SPRED2: variants seen among roughly 807,000 people sequenced by gnomAD.
SPRED2 encodes the protein sprouty related EVH1 domain containing 2, also known as sprouty-related, EVH1 domain-containing protein 2.
SPRED2 carries 47 observed loss-of-function variants against 43.0 expected under a neutral mutation model. The ratio of observed to expected loss-of-function variants is 1.09; its 90% CI spans 0.87 to 1.40. SPRED2 has a LOEUF of 1.40. Among genes scored for constraint, SPRED2 ranks in the 40% most tolerant of loss-of-function variants. The pLI is 0.00. For synonymous variants in SPRED2, 225 were observed against 225.7 expected, an observed-to-expected ratio of 1.00 and a Z score of 0.03; for missense variants, 561 against 586.4, an observed-to-expected ratio of 0.96 and a Z score of 0.45.
intron 1 of SPRED2, among the ~76,000 whole-genome samples, chr2:65,406,693 T>A (rs927646783): frequency 2.6e-5 from 4 of 152,246 alleles, no homozygotes; most frequent in Non-Finnish European, 4.4e-5. Context: ...CCCACCTTGC[T>A]GTACACAAGA....
chr2:65,344,792 C>T lies in SPRED2; in HGVS notation c.131G>A (p.Cys44Tyr), dbSNP rs779809347. Reference protein sequence around the residue: ...EGGGISRVGVCKVMHPEGNGR... With the variant: ...EGGGISRVGVYKVMHPEGNGR... ...ATTGCCTTCGGGGTGCATGACCTTA[C>T]AGACCCCGACGCGACTGATCCCGCC... Residue 44 changes from cysteine to tyrosine, a missense_variant, in exon 2 of 6, where the codon TGT (cysteine) becomes TAT (tyrosine). This residue lies in a region of SPRED2 where 305 missense variants were observed against 282.4 expected (regional missense o/e 1.08). Coordinates refer to ENST00000356388, the MANE Select transcript of SPRED2 (RefSeq NM_181784.3). The T allele has an allele frequency of 1.2e-6, 2 of 1,614,048 alleles. No homozygotes were observed. Among genetic ancestry groups the T allele is most frequent in the Admixed American group, 1.7e-5 (1 of 60,006 alleles).
intron 5 of SPRED2, among the ~76,000 whole-genome samples, chr2:65,316,241 C>T (rs1673227939): frequency 6.6e-6 from 1 of 152,210 alleles, no homozygotes; most frequent in Admixed American, 6.5e-5. Context: ...TCCGCCTGAG[C>T]AAGACTGGGC....
intron 1 of SPRED2, among the ~76,000 whole-genome samples, chr2:65,348,490 T>C (rs775184683): frequency 1.4e-5 from 2 of 138,514 alleles, no homozygotes; most frequent in Non-Finnish European, 3.2e-5. Flanking sequence ...ATTCACAATA[T>C]AAACAGGTTT....
At chr2:65,400,939 C>G (rs1675870275) in intron 1 of SPRED2, among the ~76,000 whole-genome samples, 2 of 152,008 alleles carry the variant, frequency 1.3e-5, no homozygotes, top group Non-Finnish European at 2.9e-5. Flanking sequence ...TGGGCTTATA[C>G]TGTTTTTATT....
intron 5 of SPRED2, among the ~76,000 whole-genome samples, chr2:65,316,223 C>G (rs2104115798): frequency 6.6e-6 from 1 of 152,334 alleles, no homozygotes; most frequent in Middle Eastern, 3.4e-3. Context: ...TTCTGAGCTC[C>G]AGCTACATCC....
chr2:65,404,013 T>G (rs997591929), intron 1 of SPRED2, among the ~76,000 whole-genome samples: 1 of 152,144 alleles, frequency 6.6e-6, no homozygotes, highest in African/African-American at 2.4e-5. Context: ...GAGACCAGCC[T>G]GGCTAACATG....
chr2:65,307,938 C>T (rs1672975141), downstream of SPRED2, among the ~76,000 whole-genome samples: 1 of 152,218 alleles, frequency 6.6e-6, no homozygotes, highest in South Asian at 2.1e-4. Context: ...AAGCCTCCTC[C>T]CCACACCCCC....
chr2:65,316,567 A>C lies in SPRED2; in HGVS notation c.588+167T>G, dbSNP rs577383676. ...TCTGGCACACAGAAAACACTGGATGAGGCTGAGGTGCCACCACCAATGCCA... is the reference window on the plus strand; with the variant it reads ...TCTGGCACACAGAAAACACTGGATGCGGCTGAGGTGCCACCACCAATGCCA... On this transcript the variant is annotated intron_variant, in intron 5 of 5. Transcript: ENST00000356388. Among the ~76,000 whole-genome samples, 99 of 152,334 alleles carry C rather than the reference A, an allele frequency of 6.5e-4. 1 individual carries two copies. Among genetic ancestry groups the C allele is most frequent in the South Asian group, 1.7e-3 (8 of 4,826 alleles).
At chr2:65,351,178 GCT>G (rs1413242624) in intron 1 of SPRED2, among the ~76,000 whole-genome samples, 2 of 152,114 alleles carry the variant, frequency 1.3e-5, no homozygotes, top group Non-Finnish European at 2.9e-5. Context: ...AAGCTGTCAG[GCT>G]CTTGACAGTA....
chr2:65,340,790 CTG>C (rs1288684385), intron 2 of SPRED2, among the ~76,000 whole-genome samples: 3 of 152,232 alleles, frequency 2.0e-5, no homozygotes, highest in Admixed American at 6.5e-5. Context: ...ACTGACAACA[CTG>C]TTTCTATCTG....
At chr2:65,412,570 T>A (rs1235909183) in intron 1 of SPRED2, among the ~76,000 whole-genome samples, 1 of 152,218 alleles carries the variant, frequency 6.6e-6, no homozygotes, top group Non-Finnish European at 1.5e-5. Context: ...TATGACTGTT[T>A]AAGAGTGGAT....
intron 1 of SPRED2, among the ~76,000 whole-genome samples, chr2:65,352,834 G>T (rs1264653840): frequency 6.6e-6 from 1 of 152,110 alleles, no homozygotes; most frequent in Non-Finnish European, 1.5e-5. Context: ...ATGTTGACCA[G>T]GCTGGTCTCA....
intron 1 of SPRED2, among the ~76,000 whole-genome samples, chr2:65,383,999 C>G (rs759583652): frequency 3.3e-5 from 5 of 152,222 alleles, no homozygotes; most frequent in African/African-American, 4.8e-5. Flanking sequence ...ATTTCCGGGT[C>G]TTTCTGGAAA....
chr2:65,353,047 G>A lies in SPRED2; in HGVS notation c.27-8151C>T, dbSNP rs150337029. 2.8e-3 allele frequency among the ~76,000 whole-genome samples: 419 copies of A among 152,278 alleles called. 3 individuals are homozygous for A. Among genetic ancestry groups the A allele is most frequent in the African/African-American group, 9.2e-3 (383 of 41,536 alleles). On this transcript the variant is annotated intron_variant, in intron 1 of 5. Transcript: ENST00000356388. Reference sequence around the variant, plus strand: ...CGGTACCTAAAAGGTGTGTGTAGGAGGTGGCGGTGGTAGTCTTTGCTTTAC... The same window carrying A: ...CGGTACCTAAAAGGTGTGTGTAGGAAGTGGCGGTGGTAGTCTTTGCTTTAC...
intron 1 of SPRED2, among the ~76,000 whole-genome samples, chr2:65,420,134 C>A (rs1355569904): frequency 6.7e-6 from 1 of 148,490 alleles, no homozygotes; most frequent in Non-Finnish European, 1.5e-5. Flanking sequence ...CGCTTGAACC[C>A]AGGAGGCGGC....
chr2:65,320,510 A>T (rs1673378982), intron 4 of SPRED2, among the ~76,000 whole-genome samples: 1 of 152,198 alleles, frequency 6.6e-6, no homozygotes, highest in South Asian at 2.1e-4. Flanking sequence ...AGAGGATGTG[A>T]GACTGAGAAA....
At chr2:65,379,180 A>C (rs1348222917) in intron 1 of SPRED2, among the ~76,000 whole-genome samples, 1 of 152,182 alleles carries the variant, frequency 6.6e-6, no homozygotes, top group Non-Finnish European at 1.5e-5. Context: ...ACTTTTTACC[A>C]ATATCAGGAT....
intron 1 of SPRED2, among the ~76,000 whole-genome samples, chr2:65,424,154 G>A (rs1410409169): frequency 6.6e-6 from 1 of 151,998 alleles, no homozygotes; most frequent in African/African-American, 2.4e-5. Flanking sequence ...TTAATCCAGG[G>A]CTGGTGGCTT....
rs190847692 is a variant in SPRED2, at chr2:65,412,686, A to C, written c.26+19276T>G. On this transcript the variant is annotated intron_variant, in intron 1 of 5. Transcript: ENST00000356388. ...ACCAGTTTGAAGACCCCCCACCCCA[A>C]GAGGAATGAGATCAGTATGAGAATA... Among the ~76,000 whole-genome samples the C allele has an allele frequency of 2.0e-5, 3 of 152,226 alleles. No individual in the cohort carries two copies. In the East Asian group the frequency reaches 5.8e-4, roughly 29 times the overall value.
Sources: gnomAD v4.1 joint callset for allele counts (sites outside exome capture counted in the v4.1 genomes callset) on GRCh38, gnomAD v4.1.1 for gene constraint, gnomAD v4.1.1 regional missense constraint, MANE v1.5 for transcripts, NCBI Gene and HGNC (gene_info 2026-07-23, HGNC 2026-07-21) for gene names.